Variants in IL1RL1 observed in about 807,000 individuals in gnomAD.
IL1RL1 encodes interleukin 1 receptor like 1, also known as interleukin-1 receptor-like 1.
A neutral mutation model predicts 50.9 loss-of-function variants in IL1RL1; 32 were observed. That is an observed-to-expected ratio of 0.63 (90% CI 0.47 to 0.84). IL1RL1 has a LOEUF of 0.84. Ranked by LOEUF, IL1RL1 falls within the 40% of genes least tolerant of loss-of-function variation. IL1RL1 has a pLI of 0.00. For synonymous variants in IL1RL1, 275 were observed against 236.0 expected (o/e 1.17, Z -1.51); for missense variants, 773 against 662.9 (o/e 1.17, Z -1.82).
intron 10 of IL1RL1, 81 bp from the exon 11 acceptor site, chr2:102,351,455 A>G (rs192155375): frequency 3.8e-4 from 485 of 1,269,984 alleles, no homozygotes; most frequent in Middle Eastern, 7.8e-4. Flanking sequence ...GATTATAACA[A>G]TAAGACTTTT....
intron 1 of IL1RL1, among the ~76,000 whole-genome samples, chr2:102,316,988 T>C (rs554541362): frequency 8.1e-4 from 124 of 152,320 alleles, no homozygotes; most frequent in African/African-American, 2.8e-3. Context: ...TTATTTTCCA[T>C]TGAATGATGT....
At chr2:102,331,265 T>G (rs1677171395) in intron 1 of IL1RL1, among the ~76,000 whole-genome samples, 1 of 152,208 alleles carries the variant, frequency 6.6e-6, no homozygotes, top group South Asian at 2.1e-4. Flanking sequence ...CATAGAAGCT[T>G]TAGAAGCAGA....
intron 1 of IL1RL1, among the ~76,000 whole-genome samples, chr2:102,333,176 G>A (rs1396333060): frequency 6.0e-5 from 9 of 150,770 alleles, no homozygotes; most frequent in Non-Finnish European, 1.0e-4. Flanking sequence ...TCTCCAGAGT[G>A]TCTGTTTTAG....
At chr2:102,317,131 G>C (rs1472355876) in intron 1 of IL1RL1, among the ~76,000 whole-genome samples, 1 of 152,114 alleles carries the variant, frequency 6.6e-6, no homozygotes, top group East Asian at 1.9e-4. Context: ...GAGGCAGGTG[G>C]ATCATGAGGT....
intron 1 of IL1RL1, among the ~76,000 whole-genome samples, chr2:102,323,279 T>TATATATATATATA (rs1559596441): frequency 7.9e-5 from 3 of 38,010 alleles, no homozygotes; most frequent in African/African-American, 2.6e-4. Context: ...ATATAGTGTG[T>TATATATATATATA]GTGTGTGTGT....
intron 1 of IL1RL1, among the ~76,000 whole-genome samples, chr2:102,326,247 A>G (rs1329841533): frequency 2.0e-5 from 3 of 152,202 alleles, no homozygotes; most frequent in Non-Finnish European, 4.4e-5. Context: ...ATATCTAGCC[A>G]AACTAAGCTT....
intron 1 of IL1RL1, among the ~76,000 whole-genome samples, chr2:102,316,012 C>G (rs1338991784): frequency 6.6e-6 from 1 of 152,154 alleles, no homozygotes; most frequent in Non-Finnish European, 1.5e-5. Context: ...TTCATCCTCC[C>G]CTTATCTCAG....
chr2:102,346,094 A>G, intron 8 of IL1RL1: 2 of 953,076 alleles, frequency 2.1e-6, no homozygotes, highest in Non-Finnish European at 2.5e-6. Flanking sequence ...AATTATTACT[A>G]CTGCTATTGA....
chr2:102,338,775 A>G, intron 2 of IL1RL1, 62 bp from the exon 3 acceptor site: 13 of 1,269,484 alleles, frequency 1.0e-5, no homozygotes, highest in Non-Finnish European at 1.4e-5. Context: ...TATTGAGAGT[A>G]TAAGAATTAT....
At chr2:102,346,749 A>G (rs539149502) in intron 8 of IL1RL1, among the ~76,000 whole-genome samples, 1 of 152,326 alleles carries the variant, frequency 6.6e-6, no homozygotes, top group South Asian at 2.1e-4. Flanking sequence ...CATCACCTTG[A>G]TAATTCTTGA....
intron 8 of IL1RL1, chr2:102,343,634 C>A: frequency 7.0e-7 from 1 of 1,431,194 alleles, no homozygotes; most frequent in South Asian, 1.5e-5. Flanking sequence ...CTCCCCCACT[C>A]CCTCCTATCG....
intron 1 of IL1RL1, among the ~76,000 whole-genome samples, chr2:102,337,585 C>G (rs1677374311): frequency 6.6e-6 from 1 of 152,128 alleles, no homozygotes; most frequent in Admixed American, 6.5e-5. Flanking sequence ...GAGTCAGGAA[C>G]AAAAGTTTGA....
At chr2:102,333,920 T>A (rs1370050111) in intron 1 of IL1RL1, among the ~76,000 whole-genome samples, 2 of 152,194 alleles carry the variant, frequency 1.3e-5, no homozygotes, top group East Asian at 3.8e-4. Flanking sequence ...AATCTCATTC[T>A]TTTTATGGCT....
chr2:102,352,259 T>C (rs1360697103), downstream of IL1RL1, among the ~76,000 whole-genome samples: 1 of 149,482 alleles, frequency 6.7e-6, no homozygotes, highest in East Asian at 2.0e-4. Context: ...ATAATCTGAA[T>C]AGCAAACTAA....
chr2:102,343,439 G>A (rs1410651259), intron 8 of IL1RL1, 24 bp downstream of exon 8: 7 of 1,614,034 alleles, frequency 4.3e-6, no homozygotes, highest in Non-Finnish European at 4.2e-6. Context: ...CTGAGACTTT[G>A]ATCACCTGAA....
rs189341651 is a variant in IL1RL1 at position 102,330,456 on chromosome 2, G to A, written c.-149-7660G>A. On this transcript the variant is annotated intron_variant, in intron 1 of 10. Coordinates refer to ENST00000233954, the MANE Select transcript of IL1RL1 (RefSeq NM_016232.5). ...GTATACATATGTAAAAAACCTGCAC[G>A]TTGTGCACATGTACCCTAAAACTTA... 3.9e-5 allele frequency among the ~76,000 whole-genome samples: 6 copies of A among 152,214 alleles called. No individual in the cohort carries two copies. In the East Asian group the frequency reaches 5.8e-4, roughly 15 times the overall value.
At chr2:102,337,716 T>C (rs1467964636) in intron 1 of IL1RL1, among the ~76,000 whole-genome samples, 1 of 152,214 alleles carries the variant, frequency 6.6e-6, no homozygotes, top group Non-Finnish European at 1.5e-5. Flanking sequence ...GAGTTATTTT[T>C]GTGAGCATGC....
At chr2:102,339,223 G>T (rs873022) in intron 3 of IL1RL1, 176 bp downstream of exon 3, 151,731 of 583,088 alleles carry the variant, frequency 0.26, 21,306 homozygotes, top group East Asian at 0.39. Flanking sequence ...ATCAGGTTGA[G>T]GTCTAGCTCA....
chr2:102,322,380 A>C (rs940253396), intron 1 of IL1RL1, among the ~76,000 whole-genome samples: 9 of 152,200 alleles, frequency 5.9e-5, no homozygotes, highest in Admixed American at 2.6e-4. Context: ...GCGGAAACTT[A>C]TCTAAAAGTT....
Sources: gnomAD v4.1 joint callset for allele counts (sites outside exome capture counted in the v4.1 genomes callset) on GRCh38, gnomAD v4.1.1 for gene constraint, MANE v1.5 for transcripts, NCBI Gene and HGNC (gene_info 2026-07-23, HGNC 2026-07-21) for gene names.